FBXO31: variants seen among roughly 807,000 people sequenced by gnomAD.
The protein encoded by FBXO31 is F-box only protein 31.
In FBXO31, 24 loss-of-function variants were observed where a neutral mutation model predicts 54.4. The observed-to-expected ratio is 0.44, with a 90% CI of 0.32 to 0.62. The LOEUF (loss-of-function observed/expected upper bound fraction) is 0.62. Among genes scored for constraint, FBXO31 ranks in the 20% least tolerant of loss-of-function variants. The probability of loss-of-function intolerance (pLI) is 0.05; values close to 1 mark genes in which losing one functional copy is unlikely to be tolerated. For synonymous variants in FBXO31, 388 were observed against 335.6 expected (o/e 1.16, Z -1.71); for missense variants, 665 against 787.1 (o/e 0.84, Z 1.86).
intron 3 of FBXO31, 53 bp downstream of exon 3, chr16:87,347,121 A>C (rs1905422846): frequency 2.0e-6 from 3 of 1,505,298 alleles, no homozygotes; most frequent in African/African-American, 1.4e-5. Context: ...TCCTCCACGT[A>C]AGGCACCACT....
chr16:87,354,138 G>C (rs140113394), intron 2 of FBXO31, among the ~76,000 whole-genome samples: 60 of 152,368 alleles, frequency 3.9e-4, no homozygotes, highest in African/African-American at 1.4e-3. Context: ...TAATATCTGA[G>C]TAAAGGCTAA....
rs754505230 is a variant in FBXO31 at position 87,358,897 on chromosome 16, A to G, written c.412+1398T>C. 6.6e-6 allele frequency among the ~76,000 whole-genome samples: 1 copy of G among 151,976 alleles called. No individual in the cohort carries two copies. Among genetic ancestry groups the G allele is most frequent in the Non-Finnish European group, 1.5e-5 (1 of 67,988 alleles). ...AACACTTACCCCGGCTAACATACTC[A>G]CTTTGCCCAGCACCCACCTGGCGTT... On this transcript the variant is annotated intron_variant, in intron 2 of 8. Coordinates refer to ENST00000311635, the MANE Select transcript of FBXO31 (RefSeq NM_024735.5). The surrounding 1 kb of genome is among the most constrained non-coding windows in gnomAD (Gnocchi z 4.0).
chr16:87,356,005 A>C (rs746718838), intron 2 of FBXO31, among the ~76,000 whole-genome samples: 1 of 152,078 alleles, frequency 6.6e-6, no homozygotes, highest in Non-Finnish European at 1.5e-5. Context: ...GCCCTTGCCC[A>C]ATCACCTGAG....
intron 1 of FBXO31, among the ~76,000 whole-genome samples, chr16:87,380,002 GA>G (rs1269750231): frequency 0.016 from 1,292 of 80,810 alleles, 8 homozygotes; most frequent in African/African-American, 0.032. Flanking sequence ...CGCTCCAAAA[GA>G]AAAAAAAAAA....
In FBXO31 at chr16:87,347,237, A is replaced by T; in HGVS notation, c.426T>A (p.Tyr142Ter). 6.2e-7 allele frequency: 1 copy of T among 1,614,094 alleles called. No individual in the cohort carries two copies. Among genetic ancestry groups the T allele is most frequent in the Non-Finnish European group, 8.5e-7 (1 of 1,179,984 alleles). ...GCTGCCACAATCCCAAAATGTGTCT[A>T]TATCGGTGAAGCACTACAGGAGGAG... ...RDVYAKLLHR[Y>*]RHILGLWQPD... is the part of the protein sequence containing the mutation. The change falls in exon 3 of 9, where the codon TAT becomes TAA. Residue 142 changes from tyrosine (Y) to a stop codon, truncating the protein, a stop_gained. Transcript: ENST00000311635. LOFTEE classifies it high-confidence loss of function.
Position 87,346,037 on chromosome 16 carries a change from G to A in FBXO31, c.489+1137C>T, listed in dbSNP as rs1047477075. Among the ~76,000 whole-genome samples the A allele has an allele frequency of 6.6e-6, 1 of 152,140 alleles. No individual in the cohort carries two copies. The highest frequency in any genetic ancestry group is 6.5e-5 in the Admixed American group (1 of 15,280). On this transcript the variant is annotated intron_variant, in intron 3 of 8. Coordinates refer to ENST00000311635, the MANE Select transcript of FBXO31 (RefSeq NM_024735.5). This position sits in a 1 kb window ranked among gnomAD's most constrained non-coding sequence, Gnocchi z 4.2. The stretch of plus-strand genomic sequence containing the variant: ...CAGAGTGGCTGCTGAGAGGAGAAGG[G>A]GCCAAGCGAAGCGTGACTCACAAAG...
intron 1 of FBXO31, among the ~76,000 whole-genome samples, chr16:87,363,710 G>T (rs1240151978): frequency 6.6e-6 from 1 of 152,128 alleles, no homozygotes; most frequent in Non-Finnish European, 1.5e-5. Context: ...TGAGAGAACT[G>T]GACAGGGACT....
chr16:87,376,231 T>C (rs566585880), intron 1 of FBXO31, among the ~76,000 whole-genome samples: 2 of 152,248 alleles, frequency 1.3e-5, no homozygotes, highest in African/African-American at 4.8e-5. Context: ...CCCATTTTTG[T>C]TGCTTGCTCT....
chr16:87,347,462 C>G (rs1293325245), intron 2 of FBXO31, among the ~76,000 whole-genome samples: 1 of 152,098 alleles, frequency 6.6e-6, no homozygotes, highest in Non-Finnish European at 1.5e-5. Flanking sequence ...GGGCGGATTA[C>G]AAGGTCAGGA....
chr16:87,352,034 G>A (rs1253231332), intron 2 of FBXO31, among the ~76,000 whole-genome samples: 1 of 152,194 alleles, frequency 6.6e-6, no homozygotes, highest in Non-Finnish European at 1.5e-5. Context: ...GATGTGGGGT[G>A]GGGTGGGGGG....
chr16:87,334,564 G>A (rs1165780954), intron 7 of FBXO31, among the ~76,000 whole-genome samples: 2 of 152,222 alleles, frequency 1.3e-5, no homozygotes, highest in Non-Finnish European at 2.9e-5. Flanking sequence ...AGCCCAAGGG[G>A]GCAGCCCACA....
At position 87,383,359 on chromosome 16, in the gene FBXO31, C is replaced by T; in HGVS notation, c.340+46G>A. The T allele has an allele frequency of 6.9e-7, 1 of 1,442,804 alleles. No homozygotes were observed. Among genetic ancestry groups the T allele is most frequent in the Non-Finnish European group, 9.3e-7 (1 of 1,070,024 alleles). 89.4% of individuals were successfully genotyped at this position (1,442,804 alleles called of 1,614,324 possible). A position where few individuals can be genotyped will look rare whatever the true frequency, so the allele number is the denominator to read the frequency against. On this transcript the variant is annotated intron_variant, in intron 1 of 8. Transcript: ENST00000311635. The surrounding 1 kb of genome is among the most constrained non-coding windows in gnomAD (Gnocchi z 4.9). ...TCCCAGCTCCGAGGCCTCCACCTGG[C>T]AGGGACCCCCCGCCCCTCCCGGCCC...
intron 2 of FBXO31, among the ~76,000 whole-genome samples, chr16:87,348,483 T>A (rs1309657709): frequency 4.6e-5 from 7 of 152,054 alleles, no homozygotes; most frequent in Non-Finnish European, 8.8e-5. Flanking sequence ...GGCCCCCTAA[T>A]GGTAGAGCTT....
chr16:87,386,002 CTCTT>C (rs1345933576), upstream of FBXO31: 1 of 151,614 alleles, frequency 6.6e-6, no homozygotes, highest in Non-Finnish European at 1.5e-5. Flanking sequence ...CAGAGCAAGA[CTCTT>C]TCTCAAAAAA....
At chr16:87,388,179 TTTA>T (rs1318909908), upstream of FBXO31, among the ~76,000 whole-genome samples, 1 of 152,238 alleles carries the variant, frequency 6.6e-6, no homozygotes, top group Non-Finnish European at 1.5e-5. Flanking sequence ...TTGTCAGTGC[TTTA>T]CCACGCGTTC....
At chr16:87,344,491 G>A (rs1207500973) in intron 3 of FBXO31, among the ~76,000 whole-genome samples, 2 of 152,252 alleles carry the variant, frequency 1.3e-5, no homozygotes, top group African/African-American at 4.8e-5. Context: ...CCTTCTGGGA[G>A]AGCTGGGACC....
chr16:87,347,101 G>T, intron 3 of FBXO31, 73 bp downstream of exon 3: 1 of 1,303,272 alleles, frequency 7.7e-7, no homozygotes, highest in Non-Finnish European at 1.1e-6. Flanking sequence ...GGTAGAAGAG[G>T]CCCTCAAATT....
intron 1 of FBXO31, among the ~76,000 whole-genome samples, chr16:87,374,646 T>C (rs979461051): frequency 1.3e-5 from 2 of 152,302 alleles, no homozygotes; most frequent in African/African-American, 4.8e-5. Flanking sequence ...CACGTAACAT[T>C]AAAGTATTTA....
At chr16:87,375,449 C>T (rs1407951712) in intron 1 of FBXO31, among the ~76,000 whole-genome samples, 1 of 152,142 alleles carries the variant, frequency 6.6e-6, no homozygotes, top group Non-Finnish European at 1.5e-5. Context: ...CGAGATCACG[C>T]CACTGCCCTC....
Sources: allele counts gnomAD v4.1 joint callset (sites outside exome capture counted in the v4.1 genomes callset), GRCh38; gene constraint gnomAD v4.1.1; non-coding constraint Gnocchi (gnomAD v3.1); transcripts MANE v1.5; gene names NCBI Gene and HGNC (gene_info 2026-07-23, HGNC 2026-07-21).